Variants in NALCN observed in about 807,000 individuals in gnomAD.
NALCN encodes the protein sodium leak channel NALCN.
A neutral mutation model predicts 225.3 loss-of-function variants in NALCN; 111 were observed. That is an observed-to-expected ratio of 0.49 (90% CI 0.42 to 0.58). The LOEUF (loss-of-function observed/expected upper bound fraction) is 0.58. Among genes scored for constraint, NALCN ranks in the 20% least tolerant of loss-of-function variants. The pLI, the probability that NALCN is intolerant of heterozygous loss-of-function variation, is 0.00. For synonymous variants in NALCN, 764 were observed against 769.0 expected (o/e 0.99, Z 0.11); for missense variants, 1,378 against 2,202.4 (o/e 0.63, Z 7.49).
At chr13:101,262,272 T>C (rs1039500322) in intron 10 of NALCN, among the ~76,000 whole-genome samples, 1 of 152,194 alleles carries the variant, frequency 6.6e-6, no homozygotes, top group African/African-American at 2.4e-5. Flanking sequence ...CTCTATATGG[T>C]GAGATATATT....
intron 11 of NALCN, among the ~76,000 whole-genome samples, chr13:101,238,762 A>C (rs1474358216): frequency 6.6e-6 from 1 of 151,986 alleles, no homozygotes; most frequent in African/African-American, 2.4e-5. Flanking sequence ...TACATGATTT[A>C]TTGAAGATAG....
intron 25 of NALCN, among the ~76,000 whole-genome samples, 174 bp from the exon 26 acceptor site, chr13:101,103,513 A>G (rs1476394140): frequency 2.6e-5 from 4 of 152,144 alleles, no homozygotes; most frequent in Admixed American, 2.0e-4. Flanking sequence ...AGGTACCTCA[A>G]AGGAAAGTCA....
chr13:101,060,954 C>T (rs912192524), intron 41 of NALCN, among the ~76,000 whole-genome samples: 3 of 152,138 alleles, frequency 2.0e-5, no homozygotes, highest in Non-Finnish European at 4.4e-5. Flanking sequence ...TCTCTGGGAA[C>T]CTTTTCTCCT....
intron 7 of NALCN, among the ~76,000 whole-genome samples, chr13:101,344,468 C>A (rs2045653343): frequency 6.6e-6 from 1 of 152,094 alleles, no homozygotes; most frequent in African/African-American, 2.4e-5. Context: ...TATATAAAAG[C>A]TGTAACTTTA....
intron 10 of NALCN, among the ~76,000 whole-genome samples, chr13:101,266,467 T>C (rs953144079): frequency 4.6e-5 from 7 of 152,220 alleles, no homozygotes; most frequent in African/African-American, 1.4e-4. Context: ...TTCTGAAGAC[T>C]GTAGGCAAAG....
rs1223681751 is a variant in NALCN, at chr13:101,279,819, AAAAT to A, written c.1134+4110_1134+4113del. Among the ~76,000 whole-genome samples, 477 of 104,956 alleles carry A rather than the reference AAAAT, an allele frequency of 4.5e-3. 6 individuals are homozygous for A. The highest frequency in any genetic ancestry group is 9.6e-3 in the Middle Eastern group (2 of 208). 68.9% of individuals were successfully genotyped at this position (104,956 alleles called of 152,430 possible). On this transcript the variant is annotated intron_variant, in intron 10 of 43. Coordinates refer to ENST00000251127, the MANE Select transcript of NALCN (RefSeq NM_052867.4). ...GCGACAGAGCGAGACTCCGTCTCAA[AAAAT>A]AAATAAATAAATAAAATAAATAAAT...
At chr13:101,088,529 C>T (rs1350741988) in intron 30 of NALCN, among the ~76,000 whole-genome samples, 2 of 152,194 alleles carry the variant, frequency 1.3e-5, no homozygotes, top group African/African-American at 2.4e-5. Context: ...CTGTTTATCA[C>T]ACCTTATAAG....
chr13:101,107,492 G>C lies in NALCN; in HGVS notation c.2574C>G (p.Phe858Leu). ...CTGAAATGAAGTGTACTTACGCGTT[G>C]AAGCGTGCTCGGACCACCACCCGGC... ...NFCRVVVRARFNASKTDPVTG... is the reference protein window; with the variant it reads ...NFCRVVVRARLNASKTDPVTG... The change falls in exon 22 of 44, where the codon TTC (phenylalanine) becomes TTG (leucine). Residue 858 changes from phenylalanine (F) to leucine (L), a missense_variant. Physicochemically the swap from Phe to Leu is conservative, Grantham distance 22. Transcript: ENST00000251127. The C allele has an allele frequency of 6.2e-7, 1 of 1,614,094 alleles. No individual in the cohort carries two copies. Among genetic ancestry groups the C allele is most frequent in the Middle Eastern group, 1.7e-4 (1 of 6,052 alleles).
At chr13:101,111,527 C>T (rs1355477987) in intron 18 of NALCN, among the ~76,000 whole-genome samples, 1 of 152,114 alleles carries the variant, frequency 6.6e-6, no homozygotes, top group Non-Finnish European at 1.5e-5. Flanking sequence ...TCTATCAGGA[C>T]ACCATAAGCA....
intron 7 of NALCN, among the ~76,000 whole-genome samples, chr13:101,333,509 T>G (rs1045250968): frequency 7.2e-5 from 11 of 152,192 alleles, no homozygotes; most frequent in African/African-American, 2.7e-4. Flanking sequence ...GACCAACTTC[T>G]TTTTCATAGC....
intron 7 of NALCN, among the ~76,000 whole-genome samples, chr13:101,313,887 A>C (rs2044450911): frequency 6.6e-6 from 1 of 152,100 alleles, no homozygotes; most frequent in Admixed American, 6.5e-5. Context: ...CACTATTCAC[A>C]ATAGCAAAGA....
chr13:101,381,795 G>T (rs1399745475), intron 3 of NALCN, among the ~76,000 whole-genome samples: 2 of 152,044 alleles, frequency 1.3e-5, no homozygotes, highest in East Asian at 3.9e-4. Context: ...AAAAATAAAA[G>T]TGTATATTTT....
At chr13:101,340,266 T>TCAAACAAA (rs10623457) in intron 7 of NALCN, among the ~76,000 whole-genome samples, 4 of 147,422 alleles carry the variant, frequency 2.7e-5, no homozygotes, top group Non-Finnish European at 6.0e-5. Context: ...AGACTCCATC[T>TCAAACAAA]CAAACAAACA....
At chr13:101,101,008 T>C (rs2034781671) in intron 26 of NALCN, 120 bp from the exon 27 acceptor site, 2 of 801,420 alleles carry the variant, frequency 2.5e-6, no homozygotes, top group Admixed American at 3.4e-5. Flanking sequence ...GGGTTTTTGA[T>C]GATATATTTT....
Position 101,347,002 on chromosome 13 carries a change from T to C in NALCN, c.645-1582A>G, listed in dbSNP as rs116876295. Among the ~76,000 whole-genome samples the C allele has an allele frequency of 8.5e-3, 1,289 of 152,264 alleles. 14 individuals carry two copies. The highest frequency in any genetic ancestry group is 0.02 in the Middle Eastern group (6 of 294). The stretch of plus-strand genomic sequence containing the variant: ...AATTGAGGTAGACTTACCAGATGAC[T>C]CTTTTTCTTTAATACCTTCTTATGT... On this transcript the variant is annotated intron_variant, in intron 6 of 43. Transcript: ENST00000251127.
chr13:101,097,423 G>A (rs1289142066), intron 27 of NALCN, among the ~76,000 whole-genome samples: 1 of 152,070 alleles, frequency 6.6e-6, no homozygotes, highest in African/African-American at 2.4e-5. Context: ...ATTGTATAAA[G>A]GTCCCTTGAC....
rs1373618607 is a variant in NALCN, at chr13:101,095,687, T to C, written c.3163-7A>G. On this transcript the variant is annotated splice_polypyrimidine_tract_variant and splice_region_variant and intron_variant, in intron 27 of 43. Transcript: ENST00000251127. ...ATATGCCATTGCAATCTTCCTAAAG[T>C]AGAAAAACAAGAGGAGAGGGGAAAC... is the stretch of plus-strand genomic sequence containing the variant. The C allele has an allele frequency of 6.2e-7, 1 of 1,603,552 alleles. No individual in the cohort carries two copies. The highest frequency in any genetic ancestry group is 1.3e-5 in the African/African-American group (1 of 74,370).
chr13:101,108,719 C>A (rs2035275473), intron 20 of NALCN, among the ~76,000 whole-genome samples: 1 of 152,130 alleles, frequency 6.6e-6, no homozygotes, highest in Non-Finnish European at 1.5e-5. Context: ...CATGCAGGCC[C>A]TTCACAGCCC....
At chr13:101,381,794 A>G (rs143950058) in intron 3 of NALCN, among the ~76,000 whole-genome samples, 238 of 152,318 alleles carry the variant, frequency 1.6e-3, no homozygotes, top group South Asian at 3.5e-3. Flanking sequence ...GAAAAATAAA[A>G]GTGTATATTT....
Sources: allele counts gnomAD v4.1 joint callset (sites outside exome capture counted in the v4.1 genomes callset), GRCh38; gene constraint gnomAD v4.1.1; transcripts MANE v1.5; gene names NCBI Gene and HGNC (gene_info 2026-07-23, HGNC 2026-07-21).